Variants in DNAH5 observed in about 807,000 individuals in gnomAD.
DNAH5 encodes the protein dynein axonemal heavy chain 5, also known as axonemal beta dynein heavy chain 5.
DNAH5 carries 372 observed loss-of-function variants against 518.2 expected under a neutral mutation model. The observed-to-expected ratio is 0.72, with a 90% CI of 0.66 to 0.78. The LOEUF (loss-of-function observed/expected upper bound fraction) is 0.78. DNAH5 is among the 30% of genes least tolerant of loss of function. The probability of loss-of-function intolerance (pLI) is 0.00; values close to 1 mark genes in which losing one functional copy is unlikely to be tolerated. For synonymous variants in DNAH5, 2,039 were observed against 2,025.9 expected, an observed-to-expected ratio of 1.01 and a Z score of -0.17; for missense variants, 5,523 against 5,687.0, an observed-to-expected ratio of 0.97 and a Z score of 0.93.
intron 70 of DNAH5, among the ~76,000 whole-genome samples, chr5:13,726,865 A>G (rs1040368919): frequency 1.3e-5 from 2 of 152,230 alleles, no homozygotes; most frequent in African/African-American, 4.8e-5. Flanking sequence ...CCTGGGCTGA[A>G]TATCAGCGTT....
At chr5:13,776,323 A>G in intron 55 of DNAH5, 116 bp downstream of exon 55, 1 of 1,391,256 alleles carries the variant, frequency 7.2e-7, no homozygotes, top group Non-Finnish European at 1.0e-6. Flanking sequence ...GTGCCTTCCC[A>G]TGACATCCTG....
Position 13,777,260 on chromosome 5 carries a change from TTGTC to T in DNAH5, c.9043_9046del (p.Asp3015MetfsTer12). ...CAAAAATGACTCATCTTTAATCTCA[TTGTC>T]TGTGAAAATAAAAGTGATTCCTTTG... On this transcript the variant is annotated frameshift_variant, in exon 54 of 79. Coordinates refer to ENST00000265104, the MANE Select transcript of DNAH5 (RefSeq NM_001369.3). LOFTEE classifies it high-confidence loss of function. 1.2e-6 allele frequency: 2 copies of T among 1,613,102 alleles called. No individual in the cohort carries two copies. Among genetic ancestry groups the T allele is most frequent in the Non-Finnish European group, 1.7e-6 (2 of 1,179,388 alleles).
chr5:13,991,702 G>GT, intron 1 of DNAH5, among the ~76,000 whole-genome samples: 1 of 152,146 alleles, frequency 6.6e-6, no homozygotes, highest in Non-Finnish European at 1.5e-5. Context: ...GAACAGAGGT[G>GT]TGAGGGGGAG....
At chr5:13,928,653 TA>T (rs1260975643) in intron 2 of DNAH5, among the ~76,000 whole-genome samples, 17 of 152,230 alleles carry the variant, frequency 1.1e-4, no homozygotes, top group Admixed American at 2.6e-4. Flanking sequence ...AACCTGGCAC[TA>T]AGCTGGGACT....
intron 49 of DNAH5, among the ~76,000 whole-genome samples, chr5:13,793,048 A>T (rs1374200442): frequency 1.3e-5 from 2 of 152,230 alleles, no homozygotes; most frequent in Non-Finnish European, 2.9e-5. Context: ...ATTAGAATCC[A>T]GTAAATTACT....
chr5:13,870,735 A>G (rs1400731810), intron 24 of DNAH5, 32 bp downstream of exon 24: 2 of 1,578,910 alleles, frequency 1.3e-6, no homozygotes, highest in East Asian at 4.5e-5. Flanking sequence ...ATGTAGAAAT[A>G]TTTCTATAAT....
intron 21 of DNAH5, among the ~76,000 whole-genome samples, chr5:13,879,139 C>T (rs115097634): frequency 2.1e-4 from 32 of 152,278 alleles, no homozygotes; most frequent in African/African-American, 7.5e-4. Context: ...AAAGAGGTAG[C>T]TGTCTTTTAT....
chr5:13,919,029 G>T, intron 7 of DNAH5, 147 bp downstream of exon 7: 1 of 993,382 alleles, frequency 1.0e-6, no homozygotes, highest in Non-Finnish European at 1.5e-6. Context: ...AGCCTCCAAA[G>T]TGATGTGAGG....
At chr5:13,730,736 T>C (rs1746416222) in intron 68 of DNAH5, among the ~76,000 whole-genome samples, 1 of 149,794 alleles carries the variant, frequency 6.7e-6, no homozygotes, top group African/African-American at 2.5e-5. Context: ...GTAGTTTCAC[T>C]CTTGTTGCCC....
chr5:13,947,570 A>T (rs1008658144), upstream of DNAH5, among the ~76,000 whole-genome samples: 2 of 152,212 alleles, frequency 1.3e-5, no homozygotes, highest in African/African-American at 4.8e-5. Context: ...TTATGGCAAT[A>T]TCAATGGAGA....
At chr5:13,904,185 AG>A (rs1464050230) in intron 12 of DNAH5, among the ~76,000 whole-genome samples, 3 of 151,356 alleles carry the variant, frequency 2.0e-5, no homozygotes, top group African/African-American at 7.2e-5. Context: ...AAATATAAAA[AG>A]GAAAAAGTCA....
At chr5:13,733,555 T>A (rs955158260) in intron 68 of DNAH5, among the ~76,000 whole-genome samples, 1 of 152,162 alleles carries the variant, frequency 6.6e-6, no homozygotes, top group East Asian at 1.9e-4. Flanking sequence ...TATTCTGATT[T>A]AGGAAATTTG....
chr5:13,993,480 C>T (rs539768794), intron 1 of DNAH5, among the ~76,000 whole-genome samples: 1 of 152,180 alleles, frequency 6.6e-6, no homozygotes, highest in African/African-American at 2.4e-5. Flanking sequence ...TATTCTACCC[C>T]ACTGTACTAT....
chr5:13,858,744 C>CT (rs1384141694), intron 30 of DNAH5, among the ~76,000 whole-genome samples: 1 of 152,088 alleles, frequency 6.6e-6, no homozygotes, highest in Non-Finnish European at 1.5e-5. Flanking sequence ...AAACTGAAAA[C>CT]TAACCAAAAA....
chr5:13,890,994 C>T lies in DNAH5; in HGVS notation c.2559G>A (p.Glu853=), dbSNP rs2151948786. ...TAATGACCTTTGTCATTTGGAGAAA[C>T]TCTTCACAGGTTAGTGGCTCCTCCT... The part of the protein sequence containing the change: ...LPQEEPLTCE[E]FLQMTKDLCV... Residue 853 remains glutamate (E), a synonymous_variant, in exon 17 of 79, where the codon GAG becomes GAA. Transcript: ENST00000265104. The T allele has an allele frequency of 6.2e-7, 1 of 1,614,130 alleles. No individual in the cohort carries two copies. The highest frequency in any genetic ancestry group is 8.5e-7 in the Non-Finnish European group (1 of 1,179,984).
In DNAH5 at chr5:13,781,089, G is replaced by C. The variant is rs181458728; in HGVS notation, c.8821-130C>G. On this transcript the variant is annotated intron_variant, in intron 52 of 78. Transcript: ENST00000265104. ...ATAGGTGTCTCAAGATCAGACTGGA[G>C]ACACACTGGTTGAAGGAATGAGGGC... The C allele has an allele frequency of 4.2e-5, 44 of 1,058,044 alleles. No homozygotes were observed. The Admixed American group carries it at 6.0e-4, about 14-fold the overall frequency. 65.5% of individuals were successfully genotyped at this position (1,058,044 alleles called of 1,614,324 possible). A position where few individuals can be genotyped will look rare whatever the true frequency, so the allele number is the denominator to read the frequency against.
intron 65 of DNAH5, among the ~76,000 whole-genome samples, chr5:13,747,914 T>C (rs575183706): frequency 6.6e-6 from 1 of 152,390 alleles, no homozygotes; most frequent in Admixed American, 6.5e-5. Flanking sequence ...TGGCTTTTGT[T>C]GCCATTGCTT....
chr5:13,902,391 G>A (rs936130513), intron 12 of DNAH5, among the ~76,000 whole-genome samples: 7 of 152,308 alleles, frequency 4.6e-5, no homozygotes, highest in African/African-American at 1.7e-4. Context: ...GAGCCTGGGG[G>A]GTGGCACTGG....
At chr5:13,987,390 G>A (rs1783127866) in intron 1 of DNAH5, among the ~76,000 whole-genome samples, 1 of 151,926 alleles carries the variant, frequency 6.6e-6, no homozygotes, top group South Asian at 2.1e-4. Context: ...TAAATTAACT[G>A]AAGCTGTAAA....
Sources: gnomAD v4.1 joint callset for allele counts (sites outside exome capture counted in the v4.1 genomes callset) on GRCh38, gnomAD v4.1.1 for gene constraint, MANE v1.5 for transcripts, NCBI Gene and HGNC (gene_info 2026-07-23, HGNC 2026-07-21) for gene names.